The following UBE2D3 variants were observed in gnomAD, a reference collection of about 807,000 sequenced individuals.
UBE2D3 encodes ubiquitin-conjugating enzyme E2 D3.
Under a neutral mutation model 22.8 loss-of-function variants are expected in UBE2D3, and 2 were observed. The observed-to-expected ratio is 0.09, with a 90% CI of 0.04 to 0.28. The LOEUF is 0.28. Ranked by LOEUF, UBE2D3 falls within the 10% of genes least tolerant of loss-of-function variation. UBE2D3 has a pLI of 1.00. For synonymous variants in UBE2D3, 56 were observed against 60.4 expected, an observed-to-expected ratio of 0.93 and a Z score of 0.34; for missense variants, 27 against 182.5, an observed-to-expected ratio of 0.15 and a Z score of 4.91.
At position 102,827,434 on chromosome 4, in the gene UBE2D3, C is replaced by T; in HGVS notation, c.-136G>A. 1.0e-6 allele frequency: 1 copy of T among 986,208 alleles called. No homozygotes were observed. Among genetic ancestry groups the T allele is most frequent in the Non-Finnish European group, 1.2e-6 (1 of 830,182 alleles). The allele number at this position is 986,208 out of a possible 1,614,324, so 61.1% of individuals were successfully genotyped here. ...GTCCACACCCACGCGTACAGAGGGG[C>T]CGGGGCCTCCCTCAAGCTGCGGCCT... On this transcript the variant is annotated 5_prime_UTR_variant, in exon 1 of 8. Transcript: ENST00000453744.
intron 2 of UBE2D3, among the ~76,000 whole-genome samples, chr4:102,818,010 C>A (rs956454431): frequency 2.0e-5 from 3 of 152,124 alleles, no homozygotes; most frequent in Non-Finnish European, 4.4e-5. Flanking sequence ...GGAAGAGGAA[C>A]AGTGCCAAGA....
intron 1 of UBE2D3, among the ~76,000 whole-genome samples, chr4:102,867,424 C>G (rs770384677): frequency 6.6e-6 from 1 of 152,106 alleles, no homozygotes; most frequent in Non-Finnish European, 1.5e-5. Context: ...AATAATGAGG[C>G]ATATTATTAA....
At position 102,810,126 on chromosome 4, in the gene UBE2D3, C is replaced by CTATAATTAGA. The variant is rs1727718485; in HGVS notation, c.25-281_25-272dup. ...GCCAATCTCTTACAAACCGAAATAG[C>CTATAATTAGA]TATAATTAGATATTCTCATAGTTTA... is the stretch of plus-strand genomic sequence containing the variant. On this transcript the variant is annotated intron_variant, in intron 2 of 7. Coordinates refer to ENST00000453744, the MANE Select transcript of UBE2D3 (RefSeq NM_181891.3). The CTATAATTAGA allele has an allele frequency of 1.7e-5, 6 of 354,936 alleles. No homozygotes were observed. In the South Asian group the frequency reaches 2.6e-4, roughly 15 times the overall value. 22.0% of individuals were successfully genotyped at this position (354,936 alleles called of 1,614,324 possible).
At chr4:102,825,922 T>C (rs1730392883) in intron 2 of UBE2D3, 1 of 384,180 alleles carries the variant, frequency 2.6e-6, no homozygotes. Flanking sequence ...ACTTATTCGG[T>C]GTAACCTGCC....
At chr4:102,837,844 C>G (rs1161969205) in intron 1 of UBE2D3, among the ~76,000 whole-genome samples, 1 of 152,094 alleles carries the variant, frequency 6.6e-6, no homozygotes, top group East Asian at 1.9e-4. Context: ...CCCAGCTACT[C>G]GGGAGAGGCT....
chr4:102,826,990 G>C, intron 1 of UBE2D3: 1 of 997,756 alleles, frequency 1.0e-6, no homozygotes, highest in South Asian at 4.3e-5. Context: ...GGCAAGGGGG[G>C]AGGGGGAAGC....
chr4:102,817,000 CACT>C (rs1728866322), intron 2 of UBE2D3, among the ~76,000 whole-genome samples: 1 of 152,126 alleles, frequency 6.6e-6, no homozygotes, highest in Admixed American at 6.5e-5. Context: ...AAAAACCAAC[CACT>C]AACTTTTCCT....
intron 1 of UBE2D3, 112 bp from the exon 2 acceptor site, chr4:102,826,748 G>A: frequency 7.1e-7 from 1 of 1,416,946 alleles, no homozygotes; most frequent in Non-Finnish European, 9.2e-7. Context: ...GCGTGGCAAA[G>A]CCACCAACAG....
chr4:102,846,937 C>G (rs959661890), intron 1 of UBE2D3, among the ~76,000 whole-genome samples: 15 of 152,088 alleles, frequency 9.9e-5, no homozygotes, highest in African/African-American at 3.6e-4. Context: ...AGCTACCATG[C>G]CTAGCCCCAG....
At chr4:102,856,131 C>G (rs1379474557) in intron 1 of UBE2D3, among the ~76,000 whole-genome samples, 6 of 152,124 alleles carry the variant, frequency 3.9e-5, no homozygotes, top group Non-Finnish European at 7.4e-5. Context: ...TGTGAAAGGC[C>G]TAGGCAGGCA....
At chr4:102,866,549 A>G (rs575144591) in intron 1 of UBE2D3, among the ~76,000 whole-genome samples, 2 of 152,336 alleles carry the variant, frequency 1.3e-5, no homozygotes, top group African/African-American at 2.4e-5. Flanking sequence ...GCATTTTACT[A>G]TATCTTTAAA....
intron 5 of UBE2D3, 70 bp downstream of exon 5, chr4:102,802,491 C>T (rs757168699): frequency 1.5e-6 from 2 of 1,318,284 alleles, no homozygotes; most frequent in Non-Finnish European, 2.1e-6. Flanking sequence ...ACCCTATCTT[C>T]CAAGAATGCT....
intron 1 of UBE2D3, among the ~76,000 whole-genome samples, chr4:102,850,549 A>G (rs1732288838): frequency 6.6e-6 from 1 of 152,128 alleles, no homozygotes; most frequent in African/African-American, 2.4e-5. Context: ...AGTGTAATAT[A>G]GTGGAAATAG....
At chr4:102,852,509 TAC>T (rs1394222867) in intron 1 of UBE2D3, among the ~76,000 whole-genome samples, 1 of 152,262 alleles carries the variant, frequency 6.6e-6, no homozygotes, top group African/African-American at 2.4e-5. Context: ...TATTTTGTTT[TAC>T]AGATTGAGAT....
At chr4:102,799,157 G>A (rs1725721725) in intron 7 of UBE2D3, among the ~76,000 whole-genome samples, 1 of 151,114 alleles carries the variant, frequency 6.6e-6, no homozygotes, top group African/African-American at 2.4e-5. Context: ...CAAAAGTTGA[G>A]AATAAAGTGA....
chr4:102,794,663 A>AAAC lies in UBE2D3; in HGVS notation c.*2751_*2752insGTT, dbSNP rs1560833471. On this transcript the variant is annotated 3_prime_UTR_variant, in exon 8 of 8. Coordinates refer to ENST00000453744, the MANE Select transcript of UBE2D3 (RefSeq NM_181891.3). ...CAACTAAGCCATTTCAACAAACAAA[A>AAAC]AAAAACAAACAAAAAAAAAAGTGAG... 7.1e-5 allele frequency: 7 copies of AAAC among 98,226 alleles called. No homozygotes were observed. Among genetic ancestry groups the AAAC allele is most frequent in the South Asian group, 3.1e-4 (1 of 3,274 alleles). 6.1% of individuals were successfully genotyped at this position (98,226 alleles called of 1,614,324 possible).
At chr4:102,809,618 AAATC>A (rs1451912022) in intron 4 of UBE2D3, 50 bp downstream of exon 4, 4 of 1,511,340 alleles carry the variant, frequency 2.6e-6, no homozygotes, top group Non-Finnish European at 3.6e-6. Context: ...AATTACAACC[AAATC>A]AATGCTGGAT....
rs1356965953 is a variant in UBE2D3, at chr4:102,795,963, A to C, written c.*1452T>G. On this transcript the variant is annotated 3_prime_UTR_variant, in exon 8 of 8. Transcript: ENST00000453744. The stretch of plus-strand genomic sequence containing the variant: ...ATCAGTGGCACAGATAGCACTTGTC[A>C]AACAAAAAACAATCCAATAGCATTG... 3 of 152,500 alleles carry C rather than the reference A, an allele frequency of 2.0e-5. No individual in the cohort carries two copies. The highest frequency in any genetic ancestry group is 4.8e-5 in the African/African-American group (2 of 41,444). The allele number at this position is 152,500 out of a possible 1,614,324, so 9.4% of individuals were successfully genotyped here. A position where few individuals can be genotyped will look rare whatever the true frequency, so the allele number is the denominator to read the frequency against.
intron 1 of UBE2D3, chr4:102,868,615 A>G: frequency 6.7e-7 from 1 of 1,500,592 alleles, no homozygotes. Flanking sequence ...TAGGGGGAGG[A>G]TACTCATGGG....
Sources: allele counts gnomAD v4.1 joint callset (sites outside exome capture counted in the v4.1 genomes callset), GRCh38; gene constraint gnomAD v4.1.1; transcripts MANE v1.5; gene names NCBI Gene and HGNC (gene_info 2026-07-23, HGNC 2026-07-21).